The following TLE1 variants were observed in gnomAD, a reference collection of about 807,000 sequenced individuals.
The protein encoded by TLE1 is TLE family member 1, transcriptional corepressor, also known as transducin-like enhancer protein 1.
A neutral mutation model predicts 89.8 loss-of-function variants in TLE1; 21 were observed. That is an observed-to-expected ratio of 0.23 (90% CI 0.17 to 0.34). TLE1 has a LOEUF of 0.34. Among genes scored for constraint, TLE1 ranks in the 10% least tolerant of loss-of-function variants. The pLI is 1.00. For synonymous variants in TLE1, 447 were observed against 407.6 expected, an observed-to-expected ratio of 1.10 and a Z score of -1.16; for missense variants, 795 against 1,031.2, an observed-to-expected ratio of 0.77 and a Z score of 3.14.
rs572675828 is a variant in TLE1, at chr9:81,656,092, G to A, written c.235-2056C>T. Among the ~76,000 whole-genome samples, 5 of 152,278 alleles carry A rather than the reference G, an allele frequency of 3.3e-5. No homozygotes were observed. The East Asian group carries it at 9.7e-4, about 29-fold the overall frequency. ...ACTAGAAGGGGAAATGACTGGTAGA[G>A]AGAGGAAGCCCGTGCATGACCTTGC... On this transcript the variant is annotated intron_variant, in intron 4 of 19. Transcript: ENST00000376499.
At chr9:81,639,588 G>T (rs7021918) in intron 6 of TLE1, among the ~76,000 whole-genome samples, 26,537 of 122,632 alleles carry the variant, frequency 0.22, 2,994 homozygotes, top group East Asian at 0.46. Flanking sequence ...TTTTTTTTTT[G>T]TTTTTTTTTT....
At chr9:81,605,567 C>A (rs11139336) in intron 14 of TLE1, among the ~76,000 whole-genome samples, 65 of 151,974 alleles carry the variant, frequency 4.3e-4, no homozygotes, top group Non-Finnish European at 7.8e-4. Context: ...GGCAGTCATA[C>A]GTAGAAAGCT....
Position 81,616,305 on chromosome 9 carries a change from AC to A in TLE1, c.766-172del, listed in dbSNP as rs1824506050. On this transcript the variant is annotated intron_variant, in intron 10 of 19. Coordinates refer to ENST00000376499, the MANE Select transcript of TLE1 (RefSeq NM_005077.5). ...TGAGCAATATGGTGTCGGCAAACAT[AC>A]CTGCAAACATGCCATAAAAAAAAAA... Among the ~76,000 whole-genome samples, 3 of 152,018 alleles carry A rather than the reference AC, an allele frequency of 2.0e-5. No homozygotes were observed. In the South Asian group the frequency reaches 6.2e-4, roughly 32 times the overall value.
chr9:81,585,475 G>A (rs149828134), intron 18 of TLE1, 30 bp downstream of exon 18: 234 of 1,594,982 alleles, frequency 1.5e-4, no homozygotes, highest in Middle Eastern at 8.0e-4. Context: ...GGCCATCAAC[G>A]GCCTCCAGTT....
chr9:81,682,406 T>C (rs1412149447), intron 4 of TLE1, among the ~76,000 whole-genome samples: 1 of 152,120 alleles, frequency 6.6e-6, no homozygotes, highest in Non-Finnish European at 1.5e-5. Flanking sequence ...CAATCTACTC[T>C]GGAGGATGCC....
chr9:81,611,633 G>T, intron 13 of TLE1, 136 bp downstream of exon 13: 1 of 813,502 alleles, frequency 1.2e-6, no homozygotes. Context: ...GAGACTGGGC[G>T]TCTTTGTCTC....
At chr9:81,645,464 G>C (rs1407943159) in intron 6 of TLE1, among the ~76,000 whole-genome samples, 1 of 152,034 alleles carries the variant, frequency 6.6e-6, no homozygotes, top group Non-Finnish European at 1.5e-5. Context: ...ATGCTTGCTG[G>C]GTCTGGTGGC....
At chr9:81,661,352 C>T (rs1344288136) in intron 4 of TLE1, among the ~76,000 whole-genome samples, 1 of 151,528 alleles carries the variant, frequency 6.6e-6, no homozygotes, top group Non-Finnish European at 1.5e-5. Context: ...CCTCAGCGCC[C>T]GCACACTTCC....
intron 4 of TLE1, among the ~76,000 whole-genome samples, chr9:81,679,322 T>C (rs915113155): frequency 9.9e-5 from 15 of 152,024 alleles, no homozygotes; most frequent in South Asian, 2.1e-4. Context: ...TCTTTTTTTT[T>C]CCCCTGTGGA....
At chr9:81,617,551 A>C (rs1174250807) in intron 9 of TLE1, among the ~76,000 whole-genome samples, 1 of 151,872 alleles carries the variant, frequency 6.6e-6, no homozygotes, top group Admixed American at 6.6e-5. Flanking sequence ...AAAATACAAA[A>C]ATTAGCCGGG....
intron 4 of TLE1, among the ~76,000 whole-genome samples, chr9:81,664,939 C>A (rs1304605630): frequency 6.6e-6 from 1 of 152,204 alleles, no homozygotes; most frequent in Non-Finnish European, 1.5e-5. Flanking sequence ...CTTTGAGAAG[C>A]ACTGCCATCT....
chr9:81,631,725 G>A (rs1225323448), intron 8 of TLE1, among the ~76,000 whole-genome samples: 1 of 152,184 alleles, frequency 6.6e-6, no homozygotes, highest in African/African-American at 2.4e-5. Context: ...ACAGCCTAAA[G>A]GGCATGGGCT....
In TLE1 at chr9:81,607,120, T is replaced by G. The variant is rs1001637423; in HGVS notation, c.1331+3100A>C. On this transcript the variant is annotated intron_variant, in intron 14 of 19. Coordinates refer to ENST00000376499, the MANE Select transcript of TLE1 (RefSeq NM_005077.5). ...TAATTATTTTAGAGCAAGCAATGAT[T>G]GCCAAAGGCCAATGGCGATTTTGAC... Among the ~76,000 whole-genome samples the G allele has an allele frequency of 5.7e-4, 86 of 151,786 alleles. 1 individual carries two copies. The highest frequency in any genetic ancestry group is 2.0e-3 in the African/African-American group (82 of 41,304).
At chr9:81,647,342 G>GT (rs907321088) in intron 6 of TLE1, among the ~76,000 whole-genome samples, 2 of 152,152 alleles carry the variant, frequency 1.3e-5, no homozygotes, top group Non-Finnish European at 2.9e-5. Flanking sequence ...ATGTCTTCAC[G>GT]TTTTTGCTCT....
chr9:81,603,119 C>G (rs140495247), intron 14 of TLE1, among the ~76,000 whole-genome samples: 2 of 152,312 alleles, frequency 1.3e-5, no homozygotes, highest in African/African-American at 4.8e-5. Flanking sequence ...GCTCTCTCCA[C>G]CTAGAGGTTC....
chr9:81,587,905 A>T, intron 16 of TLE1, 77 bp from the exon 17 acceptor site: 1 of 407,240 alleles, frequency 2.5e-6, no homozygotes, highest in East Asian at 4.0e-5. Context: ...TTAGTTTTGG[A>T]CCGTGTGTGT....
intron 4 of TLE1, among the ~76,000 whole-genome samples, chr9:81,674,123 C>T (rs1351739145): frequency 6.6e-6 from 1 of 152,200 alleles, no homozygotes; most frequent in African/African-American, 2.4e-5. Context: ...TGTTCCCACA[C>T]AGAGAAAGAA....
intron 10 of TLE1, 89 bp downstream of exon 10, chr9:81,616,557 G>A: frequency 7.1e-7 from 1 of 1,411,536 alleles, no homozygotes; most frequent in Non-Finnish European, 9.9e-7. Flanking sequence ...CCCACCGAGG[G>A]GCTCTACTTC....
chr9:81,589,969 C>T (rs1360462919), intron 16 of TLE1, among the ~76,000 whole-genome samples: 2 of 152,102 alleles, frequency 1.3e-5, no homozygotes, highest in Admixed American at 1.3e-4. Flanking sequence ...AGTGAGCTGT[C>T]ATGATGACTT....
Sources: allele counts gnomAD v4.1 joint callset (sites outside exome capture counted in the v4.1 genomes callset), GRCh38; gene constraint gnomAD v4.1.1; transcripts MANE v1.5; gene names NCBI Gene and HGNC (gene_info 2026-07-23, HGNC 2026-07-21).